RHOBTB1: variants seen among roughly 807,000 people sequenced by gnomAD.
RHOBTB1 encodes Rho related BTB domain containing 1, also known as rho-related BTB domain-containing protein 1.
A neutral mutation model predicts 71.6 loss-of-function variants in RHOBTB1; 40 were observed. The observed-to-expected ratio is 0.56, with a 90% CI of 0.43 to 0.73. The LOEUF is 0.73. Among genes scored for constraint, RHOBTB1 ranks in the 30% least tolerant of loss-of-function variants. The pLI, the probability that RHOBTB1 is intolerant of heterozygous loss-of-function variation, is 0.00. For missense variants in RHOBTB1, 797 were observed against 894.0 expected, an observed-to-expected ratio of 0.89 and a Z score of 1.38; for synonymous variants, 319 against 334.9, an observed-to-expected ratio of 0.95 and a Z score of 0.52.
chr10:60,915,433 G>A (rs940443047), intron 2 of RHOBTB1, among the ~76,000 whole-genome samples: 1 of 151,806 alleles, frequency 6.6e-6, no homozygotes, highest in African/African-American at 2.4e-5. Flanking sequence ...AGGAGACAAG[G>A]AAGGTAGAAA....
At chr10:60,936,446 CT>C (rs1194083199) in intron 2 of RHOBTB1, among the ~76,000 whole-genome samples, 2 of 152,154 alleles carry the variant, frequency 1.3e-5, no homozygotes, top group Non-Finnish European at 2.9e-5. Context: ...ATGCATTTTA[CT>C]TTTTTCCAGG....
chr10:60,931,208 T>C (rs1347052434), intron 2 of RHOBTB1, among the ~76,000 whole-genome samples: 1 of 152,190 alleles, frequency 6.6e-6, no homozygotes, highest in Non-Finnish European at 1.5e-5. Context: ...ACACATCTCA[T>C]TCTTTTAAAG....
At chr10:60,862,835 C>G in the RHOBTB1 span, among the ~76,000 whole-genome samples, 1 of 137,166 alleles carries the variant, frequency 7.3e-6, no homozygotes, top group African/African-American at 2.8e-5. Flanking sequence ...TTCTTTTCCT[C>G]CCTCCCTCTC....
intron 1 of RHOBTB1, among the ~76,000 whole-genome samples, chr10:60,997,728 C>T (rs1322757673): frequency 6.6e-6 from 1 of 152,008 alleles, no homozygotes. Context: ...AATGTGTCAC[C>T]GAAGTTTATA....
intron 2 of RHOBTB1, among the ~76,000 whole-genome samples, chr10:60,961,004 C>G (rs1156560300): frequency 6.6e-6 from 1 of 152,070 alleles, no homozygotes; most frequent in African/African-American, 2.4e-5. Flanking sequence ...GATTCACTAA[C>G]TCTATCTGTA....
At chr10:60,982,895 G>T (rs568396500) in intron 2 of RHOBTB1, among the ~76,000 whole-genome samples, 24 of 151,954 alleles carry the variant, frequency 1.6e-4, no homozygotes, top group African/African-American at 5.8e-4. Flanking sequence ...TTCCTCTTCC[G>T]CTCCCTTCTT....
At chr10:60,973,667 A>G (rs1223562351) in intron 2 of RHOBTB1, among the ~76,000 whole-genome samples, 2 of 152,094 alleles carry the variant, frequency 1.3e-5, no homozygotes, top group Admixed American at 1.3e-4. Context: ...GTGGCCTGGG[A>G]TAATGGGAAA....
At chr10:60,975,697 G>A (rs889328241) in intron 2 of RHOBTB1, among the ~76,000 whole-genome samples, 5 of 152,018 alleles carry the variant, frequency 3.3e-5, no homozygotes, top group Admixed American at 2.6e-4. Context: ...TTTTTACTTA[G>A]CAGGAACAAA....
At chr10:60,955,859 A>G (rs2085574413) in intron 2 of RHOBTB1, among the ~76,000 whole-genome samples, 2 of 152,180 alleles carry the variant, frequency 1.3e-5, no homozygotes, top group African/African-American at 4.8e-5. Flanking sequence ...TTGATGAAGT[A>G]TTTTTCATTT....
At chr10:60,949,513 T>C (rs531400958) in intron 2 of RHOBTB1, among the ~76,000 whole-genome samples, 1 of 152,298 alleles carries the variant, frequency 6.6e-6, no homozygotes, top group Admixed American at 6.5e-5. Flanking sequence ...TCCTATTTTC[T>C]TCCCACTGTT....
chr10:60,893,137 T>C, intron 4 of RHOBTB1, 142 bp from the exon 5 acceptor site: 1 of 663,124 alleles, frequency 1.5e-6, no homozygotes, highest in South Asian at 2.1e-5. Context: ...TTAAAAAACA[T>C]CTTGGAGTCA....
At chr10:60,862,004 A>G in the RHOBTB1 span, among the ~76,000 whole-genome samples, 2 of 152,100 alleles carry the variant, frequency 1.3e-5, no homozygotes, top group African/African-American at 4.8e-5. Context: ...TTGTTAGTTT[A>G]TTAAAACTAG....
chr10:60,971,773 G>C (rs1034905622), intron 2 of RHOBTB1, among the ~76,000 whole-genome samples: 7 of 152,236 alleles, frequency 4.6e-5, no homozygotes, highest in South Asian at 2.1e-4. Context: ...CAGAATAGGA[G>C]AAAAATTTTG....
Position 60,956,661 on chromosome 10 carries a change from C to CT in RHOBTB1, c.-61-14808dup, listed in dbSNP as rs770963951. Among the ~76,000 whole-genome samples the CT allele has an allele frequency of 3.7e-3, 534 of 144,050 alleles. 3 individuals are homozygous for CT. Among genetic ancestry groups the CT allele is most frequent in the Middle Eastern group, 0.011 (3 of 276 alleles). 94.5% of individuals were successfully genotyped at this position (144,050 alleles called of 152,430 possible). ...TATTTTCATGTTTTTACTTTTTAGA[C>CT]TTTTTTTTTTTTGTTAAAATCTAGG... On this transcript the variant is annotated intron_variant, in intron 2 of 11. Transcript: ENST00000357917.
At chr10:60,961,650 G>T (rs1205377950) in intron 2 of RHOBTB1, among the ~76,000 whole-genome samples, 3 of 152,016 alleles carry the variant, frequency 2.0e-5, no homozygotes, top group African/African-American at 4.8e-5. Flanking sequence ...GAGATGGGGG[G>T]ACTTAACCAT....
At chr10:60,906,592 T>C (rs2082689121) in intron 4 of RHOBTB1, among the ~76,000 whole-genome samples, 2 of 152,210 alleles carry the variant, frequency 1.3e-5, no homozygotes, top group Non-Finnish European at 2.9e-5. Flanking sequence ...CCCTTTTTTG[T>C]GCCTGTTTCT....
intron 4 of RHOBTB1, among the ~76,000 whole-genome samples, chr10:60,895,904 A>G (rs923435322): frequency 7.4e-4 from 113 of 152,270 alleles, no homozygotes; most frequent in African/African-American, 2.6e-3. Context: ...GCAGTGACAG[A>G]GCTATAGAAA....
intron 1 of RHOBTB1, among the ~76,000 whole-genome samples, 164 bp from the exon 2 acceptor site, chr10:60,942,018 G>A (rs979642479): frequency 2.6e-5 from 4 of 151,522 alleles, no homozygotes; most frequent in African/African-American, 9.7e-5. Context: ...ATTTCTTTGG[G>A]TCAAATACAT....
chr10:60,894,431 G>A (rs2082067081), intron 4 of RHOBTB1, among the ~76,000 whole-genome samples: 1 of 152,116 alleles, frequency 6.6e-6, no homozygotes. Context: ...GGGATAATAT[G>A]AGCAAAAATA....
Sources: allele counts gnomAD v4.1 joint callset (sites outside exome capture counted in the v4.1 genomes callset), GRCh38; gene constraint gnomAD v4.1.1; transcripts MANE v1.5; gene names NCBI Gene and HGNC (gene_info 2026-07-23, HGNC 2026-07-21).